Variants in SARDH observed in about 807,000 individuals in gnomAD.
The protein encoded by SARDH is sarcosine dehydrogenase, also known as sarcosine dehydrogenase, mitochondrial.
Under a neutral mutation model 109.1 loss-of-function variants are expected in SARDH, and 95 were observed. That is an observed-to-expected ratio of 0.87 (90% CI 0.74 to 1.03). The LOEUF (loss-of-function observed/expected upper bound fraction) is 1.03. Among genes scored for constraint, SARDH ranks in the 50% least tolerant of loss-of-function variants. The pLI, the probability that SARDH is intolerant of heterozygous loss-of-function variation, is 0.00. For missense variants in SARDH, 1,267 were observed against 1,287.8 expected (o/e 0.98, Z 0.25); for synonymous variants, 572 against 534.8 (o/e 1.07, Z -0.96).
chr9:133,692,755 C>A lies in SARDH; in HGVS notation c.1921+1503G>T, dbSNP rs1831146394. Among the ~76,000 whole-genome samples, 1 of 152,176 alleles carries A rather than the reference C, an allele frequency of 6.6e-6. No homozygotes were observed. Among genetic ancestry groups the A allele is most frequent in the Non-Finnish European group, 1.5e-5 (1 of 68,028 alleles). On this transcript the variant is annotated intron_variant, in intron 15 of 20. Transcript: ENST00000439388. The surrounding 1 kb of genome is among the most constrained non-coding windows in gnomAD (Gnocchi z 5.0). ...GGTGCTTCCACACAGTGCAGGCTCA[C>A]GTGATGACTGTTGAGGGAACGAGCG...
rs1830961596 is a variant in SARDH at position 133,688,340 on chromosome 9, CCCCGA to C, written c.2069+2035_2069+2039del. Among the ~76,000 whole-genome samples, 2 of 151,960 alleles carry C rather than the reference CCCCGA, an allele frequency of 1.3e-5. 1 individual carries two copies. Among genetic ancestry groups the C allele is most frequent in the South Asian group, 4.2e-4 (2 of 4,812 alleles). ...GAAGCTGTCTCTGTCCCCTACCCTC[CCCCGA>C]CCCTCTCAGCACACCCCATCCACTG... On this transcript the variant is annotated intron_variant, in intron 16 of 20. Coordinates refer to ENST00000439388, the MANE Select transcript of SARDH (RefSeq NM_001134707.2).
chr9:133,685,608 C>T (rs1830858450), intron 16 of SARDH, among the ~76,000 whole-genome samples: 1 of 152,166 alleles, frequency 6.6e-6, no homozygotes, highest in African/African-American at 2.4e-5. Flanking sequence ...GCCCTTGAAG[C>T]CCACAGGCCA....
chr9:133,738,754 G>T (rs1451541845), upstream of SARDH, among the ~76,000 whole-genome samples: 1 of 152,194 alleles, frequency 6.6e-6, no homozygotes, highest in Non-Finnish European at 1.5e-5. Flanking sequence ...AGGCTCCTTT[G>T]GTGAGGTCAT....
chr9:133,727,706 G>GTA (rs1832540026), intron 6 of SARDH, among the ~76,000 whole-genome samples: 1 of 139,624 alleles, frequency 7.2e-6, no homozygotes, highest in African/African-American at 2.4e-5. Context: ...GGGGCTGATG[G>GTA]CCCTTTTCCT....
intron 13 of SARDH, among the ~76,000 whole-genome samples, chr9:133,701,733 A>T (rs568125085): frequency 6.6e-6 from 1 of 152,240 alleles, no homozygotes; most frequent in Admixed American, 6.5e-5. Flanking sequence ...GCTTCATGAC[A>T]CACACGCCTC....
At chr9:133,676,068 G>A (rs1564238907) in intron 17 of SARDH, among the ~76,000 whole-genome samples, 1 of 151,264 alleles carries the variant, frequency 6.6e-6, no homozygotes, top group African/African-American at 2.4e-5. Context: ...TCCAGCCTGG[G>A]TGACAGACTA....
Position 133,690,524 on chromosome 9 carries a change from T to C in SARDH, c.1925A>G (p.Asp642Gly), listed in dbSNP as rs1285006451. The C allele has an allele frequency of 6.3e-7, 1 of 1,597,134 alleles. No individual in the cohort carries two copies. The highest frequency in any genetic ancestry group is 1.7e-4 in the Middle Eastern group (1 of 6,046). Residue 642 changes from aspartate (D) to glycine (G), a missense_variant, in exon 16 of 21, where the codon GAC (aspartate) becomes GGC (glycine). Coordinates refer to ENST00000439388, the MANE Select transcript of SARDH (RefSeq NM_001134707.2). ...CCCGCCCATGGCCAGGTAGTAACCG[T>C]CCCCTGGAAGAGAGGCACCTGGACT... ...ASPLAPAFEGDGYYLAMGGAV... is the reference protein window; with the variant it reads ...ASPLAPAFEGGGYYLAMGGAV...
intron 6 of SARDH, among the ~76,000 whole-genome samples, chr9:133,726,732 T>C (rs1401145247): frequency 1.3e-5 from 2 of 152,178 alleles, no homozygotes; most frequent in Non-Finnish European, 2.9e-5. Context: ...ATGCCTTCCA[T>C]CTGCCTCTTT....
At chr9:133,729,936 C>T in intron 5 of SARDH, 71 bp from the exon 6 acceptor site, 3 of 1,593,288 alleles carry the variant, frequency 1.9e-6, no homozygotes, top group Non-Finnish European at 2.6e-6. Flanking sequence ...TGTGCACAGG[C>T]TGCCTCTGCA....
At chr9:133,732,377 C>A (rs753344270) in intron 3 of SARDH, 46 bp downstream of exon 3, 3 of 517,258 alleles carry the variant, frequency 5.8e-6, no homozygotes, top group East Asian at 6.1e-5. Context: ...GGAGTGCACC[C>A]ACCCACCCAA....
Position 133,670,400 on chromosome 9 carries a change from T to C in SARDH, c.2495+184A>G, listed in dbSNP as rs145755811. ...TTTAACAACATGTGACCTGGCCAGA[T>C]GGCCTCTCTCTTTGGCCTCGATTTC... On this transcript the variant is annotated intron_variant, in intron 19 of 20. Transcript: ENST00000439388. Among the ~76,000 whole-genome samples, 54 of 151,688 alleles carry C rather than the reference T, an allele frequency of 3.6e-4. No homozygotes were observed. In the East Asian group the frequency reaches 8.2e-3, roughly 23 times the overall value.
chr9:133,708,264 A>T (rs1831772967), intron 11 of SARDH, 23 bp downstream of exon 11: 1 of 1,604,958 alleles, frequency 6.2e-7, no homozygotes, highest in Non-Finnish European at 8.5e-7. Flanking sequence ...GCCAGTCCCC[A>T]GCAGGAGCTG....
At chr9:133,733,303 C>T (rs921798899) in intron 2 of SARDH, among the ~76,000 whole-genome samples, 9 of 152,242 alleles carry the variant, frequency 5.9e-5, no homozygotes, top group Non-Finnish European at 8.8e-5. Context: ...AACTGGCCAA[C>T]ACTGCAGGTC....
chr9:133,697,372 T>G (rs1831322627), intron 13 of SARDH, among the ~76,000 whole-genome samples: 1 of 152,238 alleles, frequency 6.6e-6, no homozygotes, highest in South Asian at 2.1e-4. Flanking sequence ...ATACCCATTT[T>G]TCCCAAACTC....
chr9:133,691,702 G>C (rs1406373333), intron 15 of SARDH, among the ~76,000 whole-genome samples: 2 of 152,162 alleles, frequency 1.3e-5, no homozygotes, highest in Non-Finnish European at 2.9e-5. Context: ...TCTCGGCTCC[G>C]TGGTGATCTG....
At chr9:133,702,815 G>A (rs746507107) in intron 13 of SARDH, 101 bp downstream of exon 13, 23 of 988,898 alleles carry the variant, frequency 2.3e-5, no homozygotes, top group Middle Eastern at 2.2e-4. Flanking sequence ...GAGACTCCTG[G>A]GGGAGGGGAG....
Position 133,728,554 on chromosome 9 carries a change from G to A in SARDH, c.915+1211C>T, listed in dbSNP as rs572071832. On this transcript the variant is annotated intron_variant, in intron 6 of 20. Transcript: ENST00000439388. The surrounding 1 kb of genome is among the most constrained non-coding windows in gnomAD (Gnocchi z 5.0). ...ACCTAGATGCAGCTGCCTCCTCCAG[G>A]GAGCCTCCCCTGGTCCACTAGGGCT... 6.6e-6 allele frequency among the ~76,000 whole-genome samples: 1 copy of A among 152,284 alleles called. No individual in the cohort carries two copies. Among genetic ancestry groups the A allele is most frequent in the East Asian group, 1.9e-4 (1 of 5,184 alleles).
In SARDH at chr9:133,718,929, G is replaced by A. The variant is rs755133316; in HGVS notation, c.1020+9C>T. ...TCCCTCCCATTATCCCAGGGCCCTG[G>A]CATCTTACCTCCTCCCAAAAGATGG... On this transcript the variant is annotated intron_variant, in intron 7 of 20. Transcript: ENST00000439388. The surrounding 1 kb of genome is among the most constrained non-coding windows in gnomAD (Gnocchi z 4.2). 61 of 1,602,794 alleles carry A rather than the reference G, an allele frequency of 3.8e-5. No individual in the cohort carries two copies. Among genetic ancestry groups the A allele is most frequent in the Non-Finnish European group, 5.0e-5 (59 of 1,169,962 alleles).
Position 133,675,711 on chromosome 9 carries a change from G to C in SARDH, c.2164-4014C>G, listed in dbSNP as rs139714287. Among the ~76,000 whole-genome samples, 15 of 152,318 alleles carry C rather than the reference G, an allele frequency of 9.8e-5. 1 individual carries two copies. The East Asian group carries it at 2.5e-3, about 25-fold the overall frequency. ...TATACACCCAAAGGAATTGAAAGGA[G>C]GGATTCGAAGAGGTATTTGCACACT... On this transcript the variant is annotated intron_variant, in intron 17 of 20. Coordinates refer to ENST00000439388, the MANE Select transcript of SARDH (RefSeq NM_001134707.2).
Sources: allele counts gnomAD v4.1 joint callset (sites outside exome capture counted in the v4.1 genomes callset), GRCh38; gene constraint gnomAD v4.1.1; non-coding constraint Gnocchi (gnomAD v3.1); transcripts MANE v1.5; gene names NCBI Gene and HGNC (gene_info 2026-07-23, HGNC 2026-07-21).